The following SV2B variants were observed in gnomAD, a reference collection of about 807,000 sequenced individuals.
The protein encoded by SV2B is synaptic vesicle glycoprotein 2B.
Under a neutral mutation model 73.9 loss-of-function variants are expected in SV2B, and 41 were observed. That is an observed-to-expected ratio of 0.56 (90% CI 0.43 to 0.72). The LOEUF (loss-of-function observed/expected upper bound fraction) is 0.72. Among genes scored for constraint, SV2B ranks in the 30% least tolerant of loss-of-function variants. The pLI is 0.00. For synonymous variants in SV2B, 314 were observed against 314.2 expected, an observed-to-expected ratio of 1.00 and a Z score of 0.01; for missense variants, 764 against 857.8, an observed-to-expected ratio of 0.89 and a Z score of 1.37.
chr15:91,262,622 C>T (rs2047949963), intron 6 of SV2B, among the ~76,000 whole-genome samples: 1 of 152,144 alleles, frequency 6.6e-6, no homozygotes, highest in Non-Finnish European at 1.5e-5. Flanking sequence ...CACCCTCCAC[C>T]CCCAAGTAGA....
chr15:91,104,722 TC>T (rs1320258359), intron 1 of SV2B, among the ~76,000 whole-genome samples: 1 of 152,186 alleles, frequency 6.6e-6, no homozygotes, highest in Non-Finnish European at 1.5e-5. Context: ...AACCTCAGCC[TC>T]CCAGGTTCAA....
rs886941538 is a variant in SV2B, at chr15:91,283,157, C to T, written c.1508-864C>T. Reference sequence around the variant, plus strand: ...CCCCAAACGCAGGTTTCTAGGGAGCCTGTTTAGTACTTTTTCTGTCAGAAC... The same window carrying T: ...CCCCAAACGCAGGTTTCTAGGGAGCTTGTTTAGTACTTTTTCTGTCAGAAC... On this transcript the variant is annotated intron_variant, in intron 10 of 12. Coordinates refer to ENST00000394232, the MANE Select transcript of SV2B (RefSeq NM_001323032.3). This position sits in a 1 kb window ranked among gnomAD's most constrained non-coding sequence, Gnocchi z 4.3. Among the ~76,000 whole-genome samples, 4 of 152,222 alleles carry T rather than the reference C, an allele frequency of 2.6e-5. No homozygotes were observed. Among genetic ancestry groups the T allele is most frequent in the Non-Finnish European group, 5.9e-5 (4 of 68,044 alleles).
intron 1 of SV2B, among the ~76,000 whole-genome samples, chr15:91,156,636 G>C (rs1177644629): frequency 6.6e-6 from 1 of 152,190 alleles, no homozygotes; most frequent in African/African-American, 2.4e-5. Flanking sequence ...CATTGGCCTG[G>C]CTTAAACATA....
chr15:91,182,681 A>G (rs776596989), intron 1 of SV2B, among the ~76,000 whole-genome samples: 2 of 152,208 alleles, frequency 1.3e-5, no homozygotes, highest in Admixed American at 6.5e-5. Context: ...GGAAGAAACT[A>G]TTCCAAGAGT....
rs1472451780 is a variant in SV2B at position 91,296,127 on chromosome 15, A to AT, written c.*3580dup. 4 of 151,854 alleles carry AT rather than the reference A, an allele frequency of 2.6e-5. No individual in the cohort carries two copies. The highest frequency in any genetic ancestry group is 9.7e-5 in the African/African-American group (4 of 41,308). 9.4% of individuals were successfully genotyped at this position (151,854 alleles called of 1,614,324 possible). Reference sequence around the variant, plus strand: ...TGCCCATTTTCTACAGACCTAATCGATTTTTACCTAATCAGTTTTACAGAA... The same window carrying AT: ...TGCCCATTTTCTACAGACCTAATCGATTTTTTACCTAATCAGTTTTACAGAA... On this transcript the variant is annotated 3_prime_UTR_variant, in exon 13 of 13. Transcript: ENST00000394232.
chr15:91,211,438 CCTT>C (rs1253843030), intron 1 of SV2B, among the ~76,000 whole-genome samples: 18 of 151,882 alleles, frequency 1.2e-4, no homozygotes, highest in African/African-American at 4.1e-4. Flanking sequence ...TTCTTCTTCT[CCTT>C]CTTCTTCCAT....
chr15:91,109,257 G>A (rs771752615), intron 1 of SV2B, among the ~76,000 whole-genome samples: 10 of 152,234 alleles, frequency 6.6e-5, no homozygotes, highest in Non-Finnish European at 8.8e-5. Flanking sequence ...CTTCCAGACC[G>A]CTGGGGCCTT....
chr15:91,203,196 A>G (rs1226052227), intron 1 of SV2B, among the ~76,000 whole-genome samples: 2 of 152,188 alleles, frequency 1.3e-5, no homozygotes, highest in Non-Finnish European at 1.5e-5. Context: ...CTTGAGCTAC[A>G]AGCCTTTCTC....
chr15:91,114,525 T>C (rs1359375750), intron 1 of SV2B, among the ~76,000 whole-genome samples: 1 of 152,206 alleles, frequency 6.6e-6, no homozygotes, highest in Non-Finnish European at 1.5e-5. Flanking sequence ...GTGAGCTTGG[T>C]GTTGCTGGCG....
Position 91,252,252 on chromosome 15 carries a change from A to G in SV2B, c.633-117A>G, listed in dbSNP as rs1367432372. On this transcript the variant is annotated intron_variant, in intron 3 of 12. Coordinates refer to ENST00000394232, the MANE Select transcript of SV2B (RefSeq NM_001323032.3). This position sits in a 1 kb window ranked among gnomAD's most constrained non-coding sequence, Gnocchi z 4.6. The stretch of plus-strand genomic sequence containing the variant: ...GAGGAACTAACTGGCCGGTCTCTCA[A>G]ATTCACTGGGTCCTTTCACCACAGA... The G allele has an allele frequency of 5.7e-6, 8 of 1,406,628 alleles. No homozygotes were observed. The highest frequency in any genetic ancestry group is 7.7e-6 in the Non-Finnish European group (8 of 1,041,664). The allele number at this position is 1,406,628 out of a possible 1,614,324, so 87.1% of individuals were successfully genotyped here.
Position 91,115,327 on chromosome 15 carries a change from GT to G in SV2B, c.-392+14966del, listed in dbSNP as rs1449578694. 6.6e-6 allele frequency among the ~76,000 whole-genome samples: 1 copy of G among 152,092 alleles called. No homozygotes were observed. Among genetic ancestry groups the G allele is most frequent in the Non-Finnish European group, 1.5e-5 (1 of 68,026 alleles). On this transcript the variant is annotated intron_variant, in intron 1 of 12. Transcript: ENST00000394232. The surrounding 1 kb of genome is among the most constrained non-coding windows in gnomAD (Gnocchi z 4.3). Reference sequence around the variant, plus strand: ...ATAAAGATAACACAGTGCTACCTTTGTTGGTGAGTGTTGACGACTTTGAAAG... The same window carrying G: ...ATAAAGATAACACAGTGCTACCTTTGTGGTGAGTGTTGACGACTTTGAAAG...
chr15:91,183,671 G>A (rs1030215568), intron 1 of SV2B, among the ~76,000 whole-genome samples: 2 of 152,108 alleles, frequency 1.3e-5, no homozygotes, highest in African/African-American at 4.8e-5. Flanking sequence ...GTCATTTTGC[G>A]ATGTATTTGC....
Position 91,115,233 on chromosome 15 carries a change from A to G in SV2B, c.-392+14870A>G, listed in dbSNP as rs1417259605. The stretch of plus-strand genomic sequence containing the variant: ...GGAGAGTTGTTGCTGAAAGAAGAGG[A>G]CATGGGTCCTGAGCAGGCGAAACCC... On this transcript the variant is annotated intron_variant, in intron 1 of 12. Coordinates refer to ENST00000394232, the MANE Select transcript of SV2B (RefSeq NM_001323032.3). The surrounding 1 kb of genome is among the most constrained non-coding windows in gnomAD (Gnocchi z 4.3). 6.6e-6 allele frequency among the ~76,000 whole-genome samples: 1 copy of G among 152,204 alleles called. No homozygotes were observed. The highest frequency in any genetic ancestry group is 2.4e-5 in the African/African-American group (1 of 41,448).
rs7163341 is a variant in SV2B, at chr15:91,141,540, A to T, written c.-392+41177A>T. Among the ~76,000 whole-genome samples, 54,113 of 152,064 alleles carry T rather than the reference A, an allele frequency of 0.36. 10,280 individuals are homozygous for T. The highest frequency in any genetic ancestry group is 0.41 in the Middle Eastern group (122 of 294). ...GACTTTCAGCGAGTTACCAAATTCC[A>T]GCGAGCTTTGCTTTGAATGTCTAAA... is the stretch of plus-strand genomic sequence containing the variant. On this transcript the variant is annotated intron_variant, in intron 1 of 12. Coordinates refer to ENST00000394232, the MANE Select transcript of SV2B (RefSeq NM_001323032.3). This position sits in a 1 kb window ranked among gnomAD's most constrained non-coding sequence, Gnocchi z 4.6.
At chr15:91,287,753 G>A (rs887837826) in intron 11 of SV2B, among the ~76,000 whole-genome samples, 4 of 152,218 alleles carry the variant, frequency 2.6e-5, no homozygotes, top group African/African-American at 9.7e-5. Flanking sequence ...TTCTAGTGAG[G>A]AAACTTTACT....
intron 1 of SV2B, among the ~76,000 whole-genome samples, chr15:91,206,022 T>C (rs1319786236): frequency 1.3e-5 from 2 of 150,634 alleles, no homozygotes; most frequent in African/African-American, 4.8e-5. Flanking sequence ...TTTGTTGTTG[T>C]GGTGGTGGTG....
chr15:91,281,658 G>A lies in SV2B; in HGVS notation c.1374-70G>A. 2 of 1,507,260 alleles carry A rather than the reference G, an allele frequency of 1.3e-6. No homozygotes were observed. Among genetic ancestry groups the A allele is most frequent in the South Asian group, 1.4e-5 (1 of 73,020 alleles). 93.4% of individuals were successfully genotyped at this position (1,507,260 alleles called of 1,614,324 possible). ...ACATCTCCTTTTTCTGCCTTGCTGTGTTTTCCATTTTGGTCTTAAGTCTCT... is the reference window on the plus strand; with the variant it reads ...ACATCTCCTTTTTCTGCCTTGCTGTATTTTCCATTTTGGTCTTAAGTCTCT... On this transcript the variant is annotated intron_variant, in intron 9 of 12. Coordinates refer to ENST00000394232, the MANE Select transcript of SV2B (RefSeq NM_001323032.3). This position sits in a 1 kb window ranked among gnomAD's most constrained non-coding sequence, Gnocchi z 4.7.
At chr15:91,203,572 A>G (rs1708821160) in intron 1 of SV2B, among the ~76,000 whole-genome samples, 1 of 152,248 alleles carries the variant, frequency 6.6e-6, no homozygotes, top group Non-Finnish European at 1.5e-5. Flanking sequence ...AAAGTTTTCT[A>G]AATGTGGCAA....
At chr15:91,228,146 A>G (rs2046445548) in intron 2 of SV2B, among the ~76,000 whole-genome samples, 1 of 152,224 alleles carries the variant, frequency 6.6e-6, no homozygotes, top group African/African-American at 2.4e-5. Flanking sequence ...GGGCTCTTAA[A>G]AATGGTTTTA....
Sources: allele counts gnomAD v4.1 joint callset (sites outside exome capture counted in the v4.1 genomes callset), GRCh38; gene constraint gnomAD v4.1.1; non-coding constraint Gnocchi (gnomAD v3.1); transcripts MANE v1.5; gene names NCBI Gene and HGNC (gene_info 2026-07-23, HGNC 2026-07-21).